Variants in PDE1A observed in about 807,000 individuals in gnomAD.
The protein encoded by PDE1A is dual specificity calcium/calmodulin-dependent 3',5'-cyclic nucleotide phosphodiesterase 1A.
A neutral mutation model predicts 61.7 loss-of-function variants in PDE1A; 35 were observed. The ratio of observed to expected loss-of-function variants is 0.57; its 90% CI spans 0.43 to 0.75. The LOEUF (loss-of-function observed/expected upper bound fraction) is 0.75, where lower values mean the gene tolerates loss of function less well. PDE1A is among the 30% of genes least tolerant of loss of function. The pLI is 0.00. For synonymous variants in PDE1A, 232 were observed against 213.2 expected (o/e 1.09, Z -0.77); for missense variants, 597 against 630.6 (o/e 0.95, Z 0.57).
Position 182,344,125 on chromosome 2 carries a change from G to A in PDE1A, c.54-79711C>T, listed in dbSNP as rs565538422. ...GGGTTCAAGTAATTCTCCTGCCTTG[G>A]CCTCCCAAAGTGCTGGTATTACAGG... On this transcript the variant is annotated intron_variant, in intron 1 of 13. Coordinates refer to ENST00000351439, the Ensembl canonical transcript of PDE1A. Among the ~76,000 whole-genome samples the A allele has an allele frequency of 1.1e-4, 16 of 152,088 alleles. No individual in the cohort carries two copies. In the East Asian group the frequency reaches 3.1e-3, roughly 29 times the overall value.
intron 2 of PDE1A, among the ~76,000 whole-genome samples, chr2:182,491,044 T>C (rs1301296430): frequency 6.6e-6 from 1 of 152,178 alleles, no homozygotes; most frequent in Non-Finnish European, 1.5e-5. Context: ...TTTAGGTTGA[T>C]GGGAACGTAA....
the PDE1A span, among the ~76,000 whole-genome samples, chr2:182,642,726 T>C: frequency 3.3e-5 from 5 of 152,298 alleles, no homozygotes; most frequent in South Asian, 8.3e-4. Flanking sequence ...ATATCTAACC[T>C]AGTAGAATTA....
the PDE1A span, among the ~76,000 whole-genome samples, chr2:182,549,189 T>C: frequency 1.3e-5 from 2 of 152,158 alleles, no homozygotes; most frequent in Admixed American, 1.3e-4. Flanking sequence ...TGAGATATAT[T>C]TGAATAGCCA....
At chr2:182,363,334 G>A (rs577421555) in intron 1 of PDE1A, among the ~76,000 whole-genome samples, 1 of 151,916 alleles carries the variant, frequency 6.6e-6, no homozygotes, top group South Asian at 2.1e-4. Flanking sequence ...CTACTTCAAA[G>A]ACATTACGTT....
At chr2:182,342,781 C>T (rs577272429) in intron 1 of PDE1A, among the ~76,000 whole-genome samples, 37 of 152,240 alleles carry the variant, frequency 2.4e-4, no homozygotes, top group South Asian at 6.2e-4. Context: ...TATATGGAAC[C>T]ATATTACATA....
At chr2:182,643,476 A>T in the PDE1A span, among the ~76,000 whole-genome samples, 1 of 152,078 alleles carries the variant, frequency 6.6e-6, no homozygotes, top group South Asian at 2.1e-4. Flanking sequence ...TTGCATTCTC[A>T]TCTCAGCTTC....
intron 13 of PDE1A, among the ~76,000 whole-genome samples, chr2:182,177,560 C>T (rs1320380359): frequency 6.6e-6 from 1 of 152,028 alleles, no homozygotes; most frequent in Non-Finnish European, 1.5e-5. Context: ...TGTCAAAGAT[C>T]AGATGGTTGT....
At chr2:182,565,794 C>A in the PDE1A span, among the ~76,000 whole-genome samples, 4 of 152,058 alleles carry the variant, frequency 2.6e-5, no homozygotes, top group Non-Finnish European at 4.4e-5. Context: ...AAAAGTTCTT[C>A]CAGGAATTGA....
chr2:182,209,589 G>A (rs1475507246), intron 7 of PDE1A, among the ~76,000 whole-genome samples: 1 of 151,854 alleles, frequency 6.6e-6, no homozygotes, highest in East Asian at 2.0e-4. Flanking sequence ...AGTACTGGTA[G>A]AGGGACCTGG....
the PDE1A span, among the ~76,000 whole-genome samples, chr2:182,679,214 TACTC>T: frequency 6.7e-6 from 1 of 149,780 alleles, no homozygotes; most frequent in Non-Finnish European, 1.5e-5. Flanking sequence ...CACGGAGTCT[TACTC>T]AGTCGCCCAG....
At chr2:182,502,480 T>C (rs1481446959) in intron 2 of PDE1A, among the ~76,000 whole-genome samples, 2 of 152,174 alleles carry the variant, frequency 1.3e-5, no homozygotes, top group African/African-American at 2.4e-5. Context: ...ACGTTCTCAT[T>C]GAGTCCTGTG....
the PDE1A span, among the ~76,000 whole-genome samples, chr2:182,539,036 A>C: frequency 6.6e-6 from 1 of 152,052 alleles, no homozygotes; most frequent in African/African-American, 2.4e-5. Context: ...TTGAGCTCTG[A>C]TTTATGTGTC....
At chr2:182,467,168 A>C (rs1055956878) in intron 2 of PDE1A, among the ~76,000 whole-genome samples, 1 of 151,750 alleles carries the variant, frequency 6.6e-6, no homozygotes, top group African/African-American at 2.4e-5. Context: ...GGGGAGGAAG[A>C]GAAAGAGGGA....
intron 2 of PDE1A, among the ~76,000 whole-genome samples, chr2:182,243,934 C>G (rs887245924): frequency 6.6e-6 from 1 of 152,102 alleles, no homozygotes; most frequent in African/African-American, 2.4e-5. Flanking sequence ...ATGGTGCGAT[C>G]TCGGCTCACC....
chr2:182,280,411 C>T (rs1693723676), intron 1 of PDE1A, among the ~76,000 whole-genome samples: 1 of 151,848 alleles, frequency 6.6e-6, no homozygotes, highest in Non-Finnish European at 1.5e-5. Flanking sequence ...GACCTCACTT[C>T]TGAATTTTCT....
At chr2:182,324,929 T>A (rs2124879966) in intron 1 of PDE1A, among the ~76,000 whole-genome samples, 1 of 152,294 alleles carries the variant, frequency 6.6e-6, no homozygotes, top group Admixed American at 6.5e-5. Context: ...CACAACAAAT[T>A]CTGAGGTAGA....
rs559000700 is a variant in PDE1A at position 182,319,522 on chromosome 2, T to C, written c.54-55108A>G. On this transcript the variant is annotated intron_variant, in intron 1 of 13. Transcript: ENST00000351439. Reference sequence around the variant, plus strand: ...CTATATTTCTAAATGGAAGTTACTTTGCTTGAACAATTAGCATAATACGCA... The same window carrying C: ...CTATATTTCTAAATGGAAGTTACTTCGCTTGAACAATTAGCATAATACGCA... Among the ~76,000 whole-genome samples, 3 of 152,312 alleles carry C rather than the reference T, an allele frequency of 2.0e-5. No homozygotes were observed. The South Asian group carries it at 6.2e-4, about 32-fold the overall frequency.
chr2:182,221,626 C>G (rs1688735707), intron 7 of PDE1A, among the ~76,000 whole-genome samples: 1 of 152,028 alleles, frequency 6.6e-6, no homozygotes, highest in Non-Finnish European at 1.5e-5. Flanking sequence ...AGACAGAATG[C>G]CCTCCCCAAC....
At chr2:182,560,232 G>C in the PDE1A span, among the ~76,000 whole-genome samples, 4,297 of 106,388 alleles carry the variant, frequency 0.04, 97 homozygotes, top group Non-Finnish European at 0.058. Flanking sequence ...CCCCACAACA[G>C]TCACCAGAGT....
Sources: allele counts gnomAD v4.1 joint callset (sites outside exome capture counted in the v4.1 genomes callset), GRCh38; gene constraint gnomAD v4.1.1; transcripts MANE v1.5; gene names NCBI Gene and HGNC (gene_info 2026-07-23, HGNC 2026-07-21).